The following TENM1 variants were observed in gnomAD, a reference collection of about 807,000 sequenced individuals.
TENM1 encodes the protein teneurin-1.
A neutral mutation model predicts 174.8 loss-of-function variants in TENM1; 35 were observed. The ratio of observed to expected loss-of-function variants is 0.20; its 90% CI spans 0.15 to 0.27. The LOEUF is 0.27. Among genes scored for constraint, TENM1 ranks in the 10% least tolerant of loss-of-function variants. TENM1 has a pLI of 1.00. For missense variants in TENM1, 1,633 were observed against 2,130.1 expected (o/e 0.77, Z 4.59); for synonymous variants, 781 against 798.7 (o/e 0.98, Z 0.37).
the TENM1 span, among the ~76,000 whole-genome samples, chrX:125,140,181 G>A: frequency 3.6e-5 from 4 of 111,390 alleles, no homozygotes; most frequent in African/African-American, 9.8e-5. Flanking sequence ...CATGTCTAAC[G>A]CGACTGTGCC....
At chrX:124,557,729 A>G (rs2048726378) in intron 14 of TENM1, among the ~76,000 whole-genome samples, 1 of 111,859 alleles carries the variant, frequency 8.9e-6, no homozygotes, top group African/African-American at 3.2e-5. Flanking sequence ...CATCAGTGCC[A>G]CTTTGCTTTA....
At chrX:125,070,427 A>G in the TENM1 span, among the ~76,000 whole-genome samples, 1 of 110,447 alleles carries the variant, frequency 9.1e-6, no homozygotes, top group Non-Finnish European at 1.9e-5. Flanking sequence ...TGGATATTAG[A>G]CCTTCGTTGG....
chrX:124,985,917 G>A, the TENM1 span, among the ~76,000 whole-genome samples: 4 of 111,291 alleles, frequency 3.6e-5, no homozygotes, highest in African/African-American at 1.3e-4. Flanking sequence ...ATCAACTGTC[G>A]TGAACTGCAG....
chrX:125,077,218 G>A, the TENM1 span, among the ~76,000 whole-genome samples: 1 of 111,056 alleles, frequency 9.0e-6, no homozygotes. Context: ...TTTTTAAACA[G>A]CATCTTACCT....
chrX:124,473,137 G>A (rs1054634857), intron 22 of TENM1, among the ~76,000 whole-genome samples: 1 of 111,471 alleles, frequency 9.0e-6, no homozygotes, highest in Non-Finnish European at 1.9e-5. Context: ...CTTTCAATAG[G>A]AAGAAGTGAA....
At chrX:124,966,898 T>C (rs1603295431), upstream of TENM1, among the ~76,000 whole-genome samples, 1 of 111,627 alleles carries the variant, frequency 9.0e-6, no homozygotes, top group East Asian at 2.8e-4. Context: ...GGTCAATACA[T>C]GTTGAATGAA....
chrX:124,405,243 C>A (rs2060450225), exon 27 of TENM1: 4 of 1,206,770 alleles, frequency 3.3e-6, no homozygotes, highest in Non-Finnish European at 4.5e-6. Flanking sequence ...TCTGGATTCA[C>A]CCGATAGGTA....
intron 23 of TENM1, among the ~76,000 whole-genome samples, chrX:124,423,232 G>C (rs1208159793): frequency 8.9e-6 from 1 of 112,400 alleles, no homozygotes; most frequent in Non-Finnish European, 1.9e-5. Context: ...CATCCACTTT[G>C]TGGAACACTC....
At chrX:124,688,050 CTCTCT>C (rs1179006772) in intron 5 of TENM1, among the ~76,000 whole-genome samples, 2 of 108,205 alleles carry the variant, frequency 1.8e-5, no homozygotes, top group Non-Finnish European at 3.8e-5. Context: ...CTCTCCTCTC[CTCTCT>C]TCTCTTCTCA....
At chrX:124,715,326 G>A (rs2053152319) in intron 4 of TENM1, among the ~76,000 whole-genome samples, 1 of 110,277 alleles carries the variant, frequency 9.1e-6, no homozygotes, top group Non-Finnish European at 1.9e-5. Context: ...ACAAACAGGT[G>A]ACGCAGGAAA....
chrX:124,594,758 T>C (rs1431113565), intron 11 of TENM1, among the ~76,000 whole-genome samples: 1 of 112,225 alleles, frequency 8.9e-6, no homozygotes, highest in African/African-American at 3.2e-5. Flanking sequence ...GTCAATCTTT[T>C]CTCATGTACT....
chrX:124,576,358 C>T, intron 11 of TENM1, among the ~76,000 whole-genome samples: 1 of 112,199 alleles, frequency 8.9e-6, no homozygotes, highest in Middle Eastern at 4.6e-3. Context: ...CTGTGCCCAG[C>T]CCCGCAAATA....
At chrX:124,776,883 AG>A (rs1185136424) in intron 3 of TENM1, among the ~76,000 whole-genome samples, 2 of 111,298 alleles carry the variant, frequency 1.8e-5, no homozygotes, top group Admixed American at 9.6e-5. Context: ...TAAAGAAGAG[AG>A]GGATCCAAGC....
chrX:124,709,009 T>G (rs1302475908), intron 4 of TENM1, among the ~76,000 whole-genome samples: 1 of 111,402 alleles, frequency 9.0e-6, no homozygotes, highest in Non-Finnish European at 1.9e-5. Flanking sequence ...GTCTGTGAAG[T>G]TGATACTATT....
chrX:124,587,726 A>G (rs2049578975), intron 11 of TENM1, among the ~76,000 whole-genome samples: 1 of 111,574 alleles, frequency 9.0e-6, no homozygotes, highest in East Asian at 2.8e-4. Context: ...GCACAGCAAA[A>G]GAAACTACCA....
Position 124,530,040 on chromosome X carries a change from T to A in TENM1, c.2652-57A>T, listed in dbSNP as rs1354265985. The A allele has an allele frequency of 9.5e-6, 11 of 1,161,359 alleles. No homozygotes were observed. The East Asian group carries it at 3.4e-4, about 36-fold the overall frequency. On this transcript the variant is annotated intron_variant, in intron 15 of 31. Transcript: ENST00000422452. The stretch of plus-strand genomic sequence containing the variant: ...GCATGTTGAGACTAGATTCTAGAAG[T>A]CAAGTTGTAGAAACTTTGGAAAACA...
intron 28 of TENM1, among the ~76,000 whole-genome samples, chrX:124,386,307 T>C (rs1056273211): frequency 9.0e-6 from 1 of 111,154 alleles, no homozygotes; most frequent in Non-Finnish European, 1.9e-5. Flanking sequence ...AAATGTGTTA[T>C]GACAGGGGAG....
intron 3 of TENM1, among the ~76,000 whole-genome samples, chrX:124,881,702 T>C (rs2057305890): frequency 9.2e-6 from 1 of 108,153 alleles, no homozygotes; most frequent in Non-Finnish European, 1.9e-5. Context: ...CCCATAGTTT[T>C]TGTTGTTGTT....
rs770084107 is a variant in TENM1 at position 124,941,671 on chromosome X, C to A, written c.217+21866G>T. Among the ~76,000 whole-genome samples, 750 of 111,934 alleles carry A rather than the reference C, an allele frequency of 6.7e-3. 10 individuals carry two copies. Among genetic ancestry groups the A allele is most frequent in the African/African-American group, 0.022 (693 of 30,842 alleles). ...CGTTCAAAAGAGAATCATTATTTTT[C>A]CCCCTAAAACTCTGCCTTCTTGCTT... On this transcript the variant is annotated intron_variant, in intron 1 of 31. Coordinates refer to ENST00000422452, the Ensembl canonical transcript of TENM1.
Sources: allele counts gnomAD v4.1 joint callset (sites outside exome capture counted in the v4.1 genomes callset), GRCh38; gene constraint gnomAD v4.1.1; transcripts MANE v1.5; gene names NCBI Gene and HGNC (gene_info 2026-07-23, HGNC 2026-07-21).